Variants in CCDC91 observed in about 807,000 individuals in gnomAD.
CCDC91 encodes the protein coiled-coil domain-containing protein 91.
CCDC91 carries 48 observed loss-of-function variants against 63.2 expected under a neutral mutation model. That is an observed-to-expected ratio of 0.76 (90% confidence interval 0.60 to 0.97). CCDC91 has a LOEUF of 0.97. Among genes scored for constraint, CCDC91 ranks in the 50% least tolerant of loss-of-function variants. The probability of loss-of-function intolerance (pLI) is 0.00; values close to 1 mark genes in which losing one functional copy is unlikely to be tolerated. For missense variants in CCDC91, 500 were observed against 494.6 expected, an observed-to-expected ratio of 1.01 and a Z score of -0.10; for synonymous variants, 167 against 165.8, an observed-to-expected ratio of 1.01 and a Z score of -0.06.
intron 8 of CCDC91, among the ~76,000 whole-genome samples, chr12:28,410,974 G>T (rs1947283402): frequency 6.6e-6 from 1 of 151,582 alleles, no homozygotes; most frequent in Non-Finnish European, 1.5e-5. Context: ...TATTTTAATG[G>T]TATCATTTTA....
At chr12:28,386,559 G>A (rs989464611) in intron 7 of CCDC91, among the ~76,000 whole-genome samples, 3 of 152,004 alleles carry the variant, frequency 2.0e-5, no homozygotes, top group Non-Finnish European at 4.4e-5. Context: ...AGTAGAGATG[G>A]GGTTTCATCA....
intron 8 of CCDC91, among the ~76,000 whole-genome samples, chr12:28,441,077 A>G (rs1271794730): frequency 1.4e-3 from 30 of 21,134 alleles, no homozygotes; most frequent in Admixed American, 8.2e-3. Flanking sequence ...AAAAAAAAAA[A>G]AAAAAAAGAA....
At chr12:28,517,535 G>C (rs1940085881) in intron 12 of CCDC91, among the ~76,000 whole-genome samples, 1 of 151,852 alleles carries the variant, frequency 6.6e-6, no homozygotes, top group East Asian at 1.9e-4. Flanking sequence ...CTGTGTTTTT[G>C]TTCAATATTC....
intron 8 of CCDC91, among the ~76,000 whole-genome samples, chr12:28,399,768 T>C (rs922690713): frequency 5.9e-5 from 9 of 152,210 alleles, no homozygotes; most frequent in African/African-American, 2.2e-4. Flanking sequence ...TCATTAAACC[T>C]TAAAATTCCA....
chr12:28,534,747 C>T (rs1942016205), intron 12 of CCDC91, among the ~76,000 whole-genome samples: 1 of 152,136 alleles, frequency 6.6e-6, no homozygotes, highest in African/African-American at 2.4e-5. Flanking sequence ...ACTTTTGGTA[C>T]TCCTAGCTCT....
chr12:28,303,216 G>A (rs1294943591), intron 3 of CCDC91, among the ~76,000 whole-genome samples: 2 of 152,098 alleles, frequency 1.3e-5, no homozygotes, highest in East Asian at 3.9e-4. Context: ...TGAAGATTGG[G>A]TCGAGGAAGA....
rs559158878 is a variant in CCDC91, at chr12:28,498,696, A to AT, written c.1215+14537dup. Among the ~76,000 whole-genome samples, 13 of 151,596 alleles carry AT rather than the reference A, an allele frequency of 8.6e-5. No individual in the cohort carries two copies. The South Asian group carries it at 2.5e-3, about 29-fold the overall frequency. ...CCTTACTTTATAGTATCACTACTCT[A>AT]TTTTTTCTTCTTAGTGCATAAAACT... On this transcript the variant is annotated intron_variant, in intron 12 of 12. Coordinates refer to ENST00000536442, the MANE Select transcript of CCDC91 (RefSeq NM_018318.5).
intron 3 of CCDC91, among the ~76,000 whole-genome samples, chr12:28,295,423 T>C (rs1949509421): frequency 6.6e-6 from 1 of 152,124 alleles, no homozygotes; most frequent in Non-Finnish European, 1.5e-5. Context: ...CACACTAATA[T>C]TTTAATCATT....
At chr12:28,544,688 C>CT (rs1223833510) in intron 12 of CCDC91, among the ~76,000 whole-genome samples, 2 of 151,982 alleles carry the variant, frequency 1.3e-5, no homozygotes, top group Non-Finnish European at 2.9e-5. Flanking sequence ...GAACAGTCTT[C>CT]TTAATAAACA....
chr12:28,428,400 G>A (rs1225121556), intron 8 of CCDC91, among the ~76,000 whole-genome samples: 1 of 151,578 alleles, frequency 6.6e-6, no homozygotes. Context: ...GAGAAACACC[G>A]TCTCTACTAA....
At chr12:28,322,133 G>C (rs1370262586) in intron 6 of CCDC91, among the ~76,000 whole-genome samples, 1 of 151,742 alleles carries the variant, frequency 6.6e-6, no homozygotes, top group Non-Finnish European at 1.5e-5. Context: ...TTTAGCTATA[G>C]ATACAGTGTA....
intron 12 of CCDC91, among the ~76,000 whole-genome samples, chr12:28,530,343 T>G (rs746211150): frequency 1.3e-5 from 2 of 152,222 alleles, no homozygotes; most frequent in Non-Finnish European, 2.9e-5. Context: ...AGCTGAGGCC[T>G]CCAACCTTCA....
intron 12 of CCDC91, among the ~76,000 whole-genome samples, chr12:28,545,784 T>C (rs1467044136): frequency 2.6e-5 from 4 of 152,010 alleles, no homozygotes; most frequent in Non-Finnish European, 4.4e-5. Flanking sequence ...TTTGTCCTTA[T>C]ATATATATCC....
intron 6 of CCDC91, among the ~76,000 whole-genome samples, chr12:28,325,497 A>G (rs937895103): frequency 1.3e-5 from 2 of 152,084 alleles, no homozygotes; most frequent in African/African-American, 4.8e-5. Context: ...AAACATAAAA[A>G]TAAGTTAATT....
chr12:28,364,629 G>A (rs549608346), intron 7 of CCDC91, among the ~76,000 whole-genome samples: 58 of 152,262 alleles, frequency 3.8e-4, no homozygotes, highest in Admixed American at 9.2e-4. Context: ...CCATGGATGA[G>A]AAATGTTTGG....
chr12:28,262,365 A>T (rs1489036962), intron 3 of CCDC91, among the ~76,000 whole-genome samples: 1 of 152,050 alleles, frequency 6.6e-6, no homozygotes, highest in Non-Finnish European at 1.5e-5. Context: ...TTTTTTGGGG[A>T]AAATAAAAAT....
chr12:28,408,048 T>C (rs1478415172), intron 8 of CCDC91, among the ~76,000 whole-genome samples: 1 of 151,836 alleles, frequency 6.6e-6, no homozygotes, highest in South Asian at 2.1e-4. Flanking sequence ...ACATGTGCCA[T>C]GGTGGTTTGC....
chr12:28,540,113 G>A (rs1033180483), intron 12 of CCDC91, among the ~76,000 whole-genome samples: 19 of 152,128 alleles, frequency 1.2e-4, no homozygotes, highest in Non-Finnish European at 2.6e-4. Flanking sequence ...AGCCTAGCAG[G>A]TAGCACAAGG....
chr12:28,420,855 T>G (rs1370725991), intron 8 of CCDC91, among the ~76,000 whole-genome samples: 2 of 152,026 alleles, frequency 1.3e-5, no homozygotes, highest in African/African-American at 4.8e-5. Context: ...ATCCGCAAAA[T>G]TTTTGAATTC....
Sources: allele counts gnomAD v4.1 joint callset (sites outside exome capture counted in the v4.1 genomes callset), GRCh38; gene constraint gnomAD v4.1.1; transcripts MANE v1.5; gene names NCBI Gene and HGNC (gene_info 2026-07-23, HGNC 2026-07-21).